SH2D4B: variants seen among roughly 807,000 people sequenced by gnomAD.
The protein encoded by SH2D4B is SH2 domain containing 4B, also known as SH2 domain-containing protein 4B.
SH2D4B carries 45 observed loss-of-function variants against 61.5 expected under a neutral mutation model. The observed-to-expected ratio is 0.73, with a 90% CI of 0.58 to 0.94. The LOEUF (loss-of-function observed/expected upper bound fraction) is 0.94, where lower values mean the gene tolerates loss of function less well. Among genes scored for constraint, SH2D4B ranks in the 40% least tolerant of loss-of-function variants. The pLI is 0.00. For synonymous variants in SH2D4B, 224 were observed against 220.4 expected, an observed-to-expected ratio of 1.02 and a Z score of -0.14; for missense variants, 572 against 574.2, an observed-to-expected ratio of 1.00 and a Z score of 0.04.
Position 80,538,189 on chromosome 10 carries a change from A to G in SH2D4B, c.-143A>G. On this transcript the variant is annotated 5_prime_UTR_variant, in exon 1 of 8. Transcript: ENST00000646907. This position sits in a 1 kb window ranked among gnomAD's most constrained non-coding sequence, Gnocchi z 4.8. ...CGTCGCTGGCTGCAAGCTGAGGCCA[A>G]CTGACAATGCTGCACAGAGAAGGGG... The G allele has an allele frequency of 1.5e-6, 1 of 646,724 alleles. No homozygotes were observed. The highest frequency in any genetic ancestry group is 4.4e-5 in the Admixed American group (1 of 22,914). The allele number at this position is 646,724 out of a possible 1,614,324, so 40.1% of individuals were successfully genotyped here.
intron 7 of SH2D4B, among the ~76,000 whole-genome samples, chr10:80,638,145 C>T (rs142083553): frequency 0.012 from 1,874 of 152,238 alleles, 16 homozygotes; most frequent in South Asian, 0.029. Flanking sequence ...CTGACTTGAT[C>T]GTGGTGGATA....
intron 3 of SH2D4B, among the ~76,000 whole-genome samples, chr10:80,587,596 A>G (rs977604608): frequency 6.6e-6 from 1 of 151,798 alleles, no homozygotes; most frequent in African/African-American, 2.4e-5. Context: ...TTCTTTCTAA[A>G]CTTTTATTTT....
At chr10:80,600,713 GAGAATGGGTTTA>G (rs1169184064) in intron 4 of SH2D4B, among the ~76,000 whole-genome samples, 1 of 152,146 alleles carries the variant, frequency 6.6e-6, no homozygotes, top group Admixed American at 6.5e-5. Flanking sequence ...TGGGCTTTAG[GAGAATGGGTTTA>G]ATCTTTGTGT....
chr10:80,608,001 A>G (rs1312208239), intron 5 of SH2D4B, among the ~76,000 whole-genome samples: 1 of 152,068 alleles, frequency 6.6e-6, no homozygotes, highest in Non-Finnish European at 1.5e-5. Context: ...GGTTCAAGCG[A>G]TTCTCCCGCC....
chr10:80,586,935 C>T (rs1255163806), intron 3 of SH2D4B, among the ~76,000 whole-genome samples: 6 of 148,242 alleles, frequency 4.0e-5, no homozygotes, highest in Non-Finnish European at 6.0e-5. Context: ...TAACACTCAC[C>T]GCGGAGGTCC....
rs901827553 is a variant in SH2D4B at position 80,603,732 on chromosome 10, A to T, written c.797A>T (p.Glu266Val). The T allele has an allele frequency of 1.9e-6, 3 of 1,613,460 alleles. No individual in the cohort carries two copies. The highest frequency in any genetic ancestry group is 2.5e-6 in the Non-Finnish European group (3 of 1,179,972). ...FRELGQSHEQ[E>V]ARLYHHLPDP... ...GAGCTTGGCCAGAGCCATGAGCAGG[A>T]GGCAAGACTCTACCACCACCTCCCC... The change falls in exon 5 of 8, where the codon GAG becomes GTG. Residue 266 changes from glutamate (E) to valine (V), a missense_variant. Glu to Val is a moderately radical substitution (Grantham distance 121). Coordinates refer to ENST00000646907, the MANE Select transcript of SH2D4B (RefSeq NM_001388272.1).
intron 3 of SH2D4B, among the ~76,000 whole-genome samples, chr10:80,574,583 G>T (rs962807885): frequency 6.6e-6 from 1 of 152,202 alleles, no homozygotes; most frequent in Non-Finnish European, 1.5e-5. Flanking sequence ...GTGAACCTGA[G>T]AGTCTGGCCA....
intron 3 of SH2D4B, among the ~76,000 whole-genome samples, chr10:80,574,710 ATTTG>A (rs1393963496): frequency 1.3e-5 from 2 of 151,738 alleles, no homozygotes; most frequent in African/African-American, 2.4e-5. Context: ...TAATTAATTA[ATTTG>A]TTTGAGACGG....
chr10:80,543,543 AC>A (rs1841615831), intron 1 of SH2D4B, among the ~76,000 whole-genome samples: 1 of 151,900 alleles, frequency 6.6e-6, no homozygotes, highest in Non-Finnish European at 1.5e-5. Context: ...GATGAGCGCC[AC>A]CCCCTGCTCC....
intron 5 of SH2D4B, among the ~76,000 whole-genome samples, chr10:80,604,558 A>C (rs1046528701): frequency 6.6e-6 from 1 of 152,144 alleles, no homozygotes; most frequent in African/African-American, 2.4e-5. Context: ...AGAAGAGTCC[A>C]GTCACCCCCA....
chr10:80,557,338 C>T (rs1239145817), intron 1 of SH2D4B, among the ~76,000 whole-genome samples: 1 of 151,972 alleles, frequency 6.6e-6, no homozygotes, highest in East Asian at 1.9e-4. Context: ...TTGTTCTGTA[C>T]TTTTCTTGAA....
chr10:80,617,971 G>T (rs375171135), intron 6 of SH2D4B, among the ~76,000 whole-genome samples: 1 of 152,224 alleles, frequency 6.6e-6, no homozygotes, highest in Non-Finnish European at 1.5e-5. Flanking sequence ...GGTCAGGCAG[G>T]TGATCTGCCT....
intron 4 of SH2D4B, among the ~76,000 whole-genome samples, chr10:80,589,406 G>A (rs932172640): frequency 6.6e-6 from 1 of 152,186 alleles, no homozygotes; most frequent in Non-Finnish European, 1.5e-5. Context: ...ATTGGTGGTG[G>A]CATGTGCCTG....
chr10:80,623,661 C>T (rs1331202309), intron 6 of SH2D4B, among the ~76,000 whole-genome samples: 1 of 152,112 alleles, frequency 6.6e-6, no homozygotes, highest in Non-Finnish European at 1.5e-5. Flanking sequence ...ATGTTGCTGC[C>T]CCTGTAGCCA....
At chr10:80,639,246 G>T (rs1441655533) in intron 7 of SH2D4B, among the ~76,000 whole-genome samples, 10 of 152,214 alleles carry the variant, frequency 6.6e-5, no homozygotes, top group Non-Finnish European at 1.0e-4. Flanking sequence ...GTGGTGCTGA[G>T]AAGAATGTAT....
intron 1 of SH2D4B, among the ~76,000 whole-genome samples, chr10:80,550,376 G>A (rs1483848329): frequency 4.6e-5 from 7 of 152,126 alleles, no homozygotes; most frequent in African/African-American, 1.4e-4. Flanking sequence ...GGCGGATCAC[G>A]AGGTCAGGAG....
chr10:80,620,258 T>G (rs1842704349), intron 6 of SH2D4B, among the ~76,000 whole-genome samples: 1 of 152,002 alleles, frequency 6.6e-6, no homozygotes, highest in South Asian at 2.1e-4. Flanking sequence ...TGGTAATGAG[T>G]GAATTCTCAT....
chr10:80,560,250 G>A (rs1029293012), intron 1 of SH2D4B, among the ~76,000 whole-genome samples: 1 of 151,906 alleles, frequency 6.6e-6, no homozygotes, highest in Non-Finnish European at 1.5e-5. Context: ...GCCTCCCAAA[G>A]TGCTGGGATT....
intron 6 of SH2D4B, among the ~76,000 whole-genome samples, chr10:80,621,481 T>G (rs1351600564): frequency 6.6e-6 from 1 of 152,262 alleles, no homozygotes; most frequent in African/African-American, 2.4e-5. Context: ...CCATTAAAGA[T>G]AATCCTATCT....
Sources: gnomAD v4.1 joint callset for allele counts (sites outside exome capture counted in the v4.1 genomes callset) on GRCh38, gnomAD v4.1.1 for gene constraint, Gnocchi (gnomAD v3.1) non-coding constraint, MANE v1.5 for transcripts, NCBI Gene and HGNC (gene_info 2026-07-23, HGNC 2026-07-21) for gene names.